Variants in KICS2 observed in about 807,000 individuals in gnomAD.
KICS2 encodes the protein KICSTOR subunit 2, also known as KICSTOR complex protein C12orf66.
A neutral mutation model predicts 31.4 loss-of-function variants in KICS2; 13 were observed. The ratio of observed to expected loss-of-function variants is 0.41; its 90% CI spans 0.27 to 0.66. The LOEUF is 0.66. KICS2 is among the 30% of genes least tolerant of loss of function. The probability of loss-of-function intolerance (pLI) is 0.28; values close to 1 mark genes in which losing one functional copy is unlikely to be tolerated. For missense variants in KICS2, 455 were observed against 545.4 expected, an observed-to-expected ratio of 0.83 and a Z score of 1.65; for synonymous variants, 209 against 214.8, an observed-to-expected ratio of 0.97 and a Z score of 0.24.
rs1319617615 is a variant in KICS2 at position 64,222,270 on chromosome 12, C to T, written c.-33G>A. 38 of 1,606,166 alleles carry T rather than the reference C, an allele frequency of 2.4e-5. No individual in the cohort carries two copies. Among genetic ancestry groups the T allele is most frequent in the Non-Finnish European group, 3.0e-5 (35 of 1,176,518 alleles). On this transcript the variant is annotated 5_prime_UTR_variant, in exon 1 of 3. Transcript: ENST00000398055. ...GCGCCCCAGCTCGACCCACGTGGCT[C>T]TCCTCGGCCTCGCACTTCCGGGTTC... is the stretch of plus-strand genomic sequence containing the variant.
downstream of KICS2, among the ~76,000 whole-genome samples, chr12:64,190,045 C>G (rs2037367456): frequency 6.6e-6 from 1 of 152,026 alleles, no homozygotes; most frequent in Non-Finnish European, 1.5e-5. Flanking sequence ...GAACAAAAAA[C>G]CACAAAGATT....
chr12:64,212,577 T>C (rs571822999), intron 2 of KICS2, among the ~76,000 whole-genome samples: 2 of 152,332 alleles, frequency 1.3e-5, no homozygotes, highest in Admixed American at 6.5e-5. Context: ...CATTCATCCA[T>C]TGGTCAATGG....
rs572586050 is a variant in KICS2 at position 64,209,449 on chromosome 12, G to A, written c.521+6229C>T. Among the ~76,000 whole-genome samples the A allele has an allele frequency of 4.3e-4, 66 of 152,178 alleles. 1 individual carries two copies. Among genetic ancestry groups the A allele is most frequent in the African/African-American group, 1.4e-3 (59 of 41,508 alleles). ...AAACTACAAAAATTAGCTGGGCATG[G>A]TGGCAGGCGCCTGTAATTCCAGCTA... is the stretch of plus-strand genomic sequence containing the variant. On this transcript the variant is annotated intron_variant, in intron 2 of 2. Transcript: ENST00000398055.
At chr12:64,210,591 T>C in intron 2 of KICS2, among the ~76,000 whole-genome samples, 1 of 151,954 alleles carries the variant, frequency 6.6e-6, no homozygotes, top group African/African-American at 2.4e-5. Flanking sequence ...GCCTGGGCAA[T>C]ATAGTGAGAC....
rs2037403159 is a variant in KICS2 at position 64,193,692 on chromosome 12, T to G, written c.*150A>C. ...CTTAATTCAATTGGCCTTAATTGCT[T>G]ATAAAGTGTGCAACACAGGGAGGAT... On this transcript the variant is annotated 3_prime_UTR_variant, in exon 3 of 3. Transcript: ENST00000398055. 1.4e-6 allele frequency: 2 copies of G among 1,436,726 alleles called. No homozygotes were observed. Among genetic ancestry groups the G allele is most frequent in the Admixed American group, 5.7e-5 (2 of 34,844 alleles). 89.0% of individuals were successfully genotyped at this position (1,436,726 alleles called of 1,614,324 possible).
chr12:64,199,853 AT>A (rs1380015568), intron 2 of KICS2, among the ~76,000 whole-genome samples: 2 of 127,768 alleles, frequency 1.6e-5, no homozygotes, highest in Non-Finnish European at 3.2e-5. Context: ...CCCATTCACA[AT>A]TGCTTCAAAG....
chr12:64,214,715 T>C (rs779096908), intron 2 of KICS2, among the ~76,000 whole-genome samples: 8 of 151,722 alleles, frequency 5.3e-5, no homozygotes, highest in Non-Finnish European at 1.0e-4. Flanking sequence ...CCATCTCTAC[T>C]AAAAATACAA....
chr12:64,199,616 G>A (rs1002327660), intron 2 of KICS2, among the ~76,000 whole-genome samples: 4 of 149,904 alleles, frequency 2.7e-5, no homozygotes, highest in African/African-American at 9.9e-5. Context: ...AATTAGGCAA[G>A]AGAAGGAAAT....
At chr12:64,186,763 A>C (rs1054531846), downstream of KICS2, 3 of 152,156 alleles carry the variant, frequency 2.0e-5, no homozygotes, top group African/African-American at 7.2e-5. Context: ...GGCTGGGGCC[A>C]GGTCACCTTA....
At chr12:64,188,871 A>C (rs11175274), downstream of KICS2, among the ~76,000 whole-genome samples, 3 of 151,898 alleles carry the variant, frequency 2.0e-5, no homozygotes, top group African/African-American at 7.2e-5. Context: ...TAAATAAATA[A>C]AGGCCAGGCA....
At chr12:64,186,430 TCAAA>T (rs1325886172), downstream of KICS2, 1 of 152,152 alleles carries the variant, frequency 6.6e-6, no homozygotes, top group Non-Finnish European at 1.5e-5. Context: ...GCAAAAGGAA[TCAAA>T]CAATATTTCC....
chr12:64,214,946 A>G (rs76208612), intron 2 of KICS2, among the ~76,000 whole-genome samples: 1,575 of 152,330 alleles, frequency 0.01, 30 homozygotes, highest in East Asian at 0.073. Flanking sequence ...CAAAGGAACA[A>G]GCAGATAAAT....
At chr12:64,217,285 C>T (rs2037638079) in intron 1 of KICS2, among the ~76,000 whole-genome samples, 1 of 152,110 alleles carries the variant, frequency 6.6e-6, no homozygotes, top group Non-Finnish European at 1.5e-5. Context: ...AAATTTTGAA[C>T]AGTTGGTTAC....
rs576153400 is a variant in KICS2, at chr12:64,193,200, C to A, written c.*642G>T. 1.1e-4 allele frequency: 105 copies of A among 985,462 alleles called. No homozygotes were observed. In the African/African-American group the frequency reaches 1.8e-3, roughly 17 times the overall value. The allele number at this position is 985,462 out of a possible 1,614,324, so 61.0% of individuals were successfully genotyped here. On this transcript the variant is annotated 3_prime_UTR_variant, in exon 3 of 3. Coordinates refer to ENST00000398055, the MANE Select transcript of KICS2 (RefSeq NM_152440.5). ...AGGTGTGTACATTACCCCAAAAGAA[C>A]CCATGGCTATTAAAGCTGCCATGAG...
At chr12:64,194,759 T>G in intron 2 of KICS2, 101 bp from the exon 3 acceptor site, 2 of 1,419,368 alleles carry the variant, frequency 1.4e-6, no homozygotes, top group African/African-American at 1.4e-5. Context: ...AACATAATAT[T>G]ATGCTTCAGG....
chr12:64,196,361 G>T (rs570328845), intron 2 of KICS2, among the ~76,000 whole-genome samples: 2 of 151,582 alleles, frequency 1.3e-5, no homozygotes, highest in East Asian at 3.9e-4. Context: ...ACACGGCAGG[G>T]TATTCCAACA....
intron 2 of KICS2, among the ~76,000 whole-genome samples, chr12:64,208,544 A>G (rs1366301137): frequency 6.6e-6 from 1 of 152,210 alleles, no homozygotes; most frequent in African/African-American, 2.4e-5. Context: ...AACCTTGTTA[A>G]CTATACACAT....
In KICS2 at chr12:64,192,961, T is replaced by C; in HGVS notation, c.*881A>G. On this transcript the variant is annotated 3_prime_UTR_variant, in exon 3 of 3. Transcript: ENST00000398055. The stretch of plus-strand genomic sequence containing the variant: ...ATAAAAGTAGGCTATGTTGCATGAG[T>C]ATCTAAAAGTGGCTGAAAAACCGAC... 1 of 985,384 alleles carries C rather than the reference T, an allele frequency of 1.0e-6. No homozygotes were observed. Among genetic ancestry groups the C allele is most frequent in the Non-Finnish European group, 1.2e-6 (1 of 829,918 alleles). 61.0% of individuals were successfully genotyped at this position (985,384 alleles called of 1,614,324 possible). A position where few individuals can be genotyped will look rare whatever the true frequency, so the allele number is the denominator to read the frequency against.
chr12:64,206,225 G>A (rs529399277), intron 2 of KICS2, among the ~76,000 whole-genome samples: 1 of 152,184 alleles, frequency 6.6e-6, no homozygotes, highest in Admixed American at 6.5e-5. Context: ...GGGCCAAAAT[G>A]ATAAATTTTT....
Sources: allele counts gnomAD v4.1 joint callset (sites outside exome capture counted in the v4.1 genomes callset), GRCh38; gene constraint gnomAD v4.1.1; transcripts MANE v1.5; gene names NCBI Gene and HGNC (gene_info 2026-07-23, HGNC 2026-07-21).